Variants in P2RY8 observed in about 807,000 individuals in gnomAD.
The protein encoded by P2RY8 is P2Y receptor family member 8, also known as S-geranylgeranyl-glutathione receptor P2RY8.
A neutral mutation model predicts 10.0 loss-of-function variants in P2RY8; 6 were observed. That is an observed-to-expected ratio of 0.60 (90% CI 0.33 to 1.19). The LOEUF (loss-of-function observed/expected upper bound fraction) is 1.19. Among genes scored for constraint, P2RY8 ranks in the 50% most tolerant of loss-of-function variants. The pLI, the probability that P2RY8 is intolerant of heterozygous loss-of-function variation, is 0.04. For synonymous variants in P2RY8, 276 were observed against 252.5 expected, an observed-to-expected ratio of 1.09 and a Z score of -0.88; for missense variants, 456 against 542.0, an observed-to-expected ratio of 0.84 and a Z score of 1.58.
chrX:1,515,006 C>A (rs1173475414), intron 1 of P2RY8, among the ~76,000 whole-genome samples: 7 of 149,108 alleles, frequency 4.7e-5, no homozygotes, highest in Non-Finnish European at 1.0e-4. Flanking sequence ...CTGGTTCAAG[C>A]AATTCTCCTG....
At chrX:1,475,917 A>T (rs1158135507) in intron 1 of P2RY8, among the ~76,000 whole-genome samples, 1 of 152,226 alleles carries the variant, frequency 6.6e-6, no homozygotes, top group Admixed American at 6.5e-5. Context: ...ATGGCTGCAT[A>T]GGACCCTCTC....
At chrX:1,529,179 T>G (rs1313683061) in intron 1 of P2RY8, among the ~76,000 whole-genome samples, 24 of 151,792 alleles carry the variant, frequency 1.6e-4, no homozygotes, top group African/African-American at 4.8e-4. Flanking sequence ...ACAGGGAATA[T>G]CTGCTTAATC....
chrX:1,472,831 G>A (rs767648388), intron 1 of P2RY8, among the ~76,000 whole-genome samples: 1 of 147,270 alleles, frequency 6.8e-6, no homozygotes, highest in South Asian at 2.2e-4. Context: ...GTATAGATGA[G>A]TAGGTGGATG....
rs1325044895 is a variant in P2RY8, at chrX:1,500,154, G to A, written c.-24-33572C>T. Among the ~76,000 whole-genome samples, 5 of 151,866 alleles carry A rather than the reference G, an allele frequency of 3.3e-5. No individual in the cohort carries two copies. The East Asian group carries it at 5.8e-4, about 18-fold the overall frequency. On this transcript the variant is annotated intron_variant, in intron 1 of 1. Coordinates refer to ENST00000381297, the MANE Select transcript of P2RY8 (RefSeq NM_178129.5). ...ATGACAGGCGTGAGCCACCGCGCCC[G>A]GCCTGTTGTTGTTTTTTAATGTTTT... is the stretch of plus-strand genomic sequence containing the variant.
chrX:1,509,548 T>TCC (rs2092277249), intron 1 of P2RY8, among the ~76,000 whole-genome samples: 1 of 111,964 alleles, frequency 8.9e-6, no homozygotes, highest in African/African-American at 3.8e-5. Flanking sequence ...TCCATCCATC[T>TCC]ATTCTATCAT....
At position 1,514,900 on chromosome X, in the gene P2RY8, CTCCCCTCCCCTTCCCT is replaced by C. The variant is rs1452148420; in HGVS notation, c.-25+22005_-25+22020del. On this transcript the variant is annotated intron_variant, in intron 1 of 1. Transcript: ENST00000381297. ...TGTCTTCCTCTCCCCTCCCCTTCCC[CTCCCCTCCCCTTCCCT>C]TCCCTTTGACAGAGACTTGCTCTGC... 6.4e-3 allele frequency among the ~76,000 whole-genome samples: 470 copies of C among 73,390 alleles called. 6 individuals carry two copies. The highest frequency in any genetic ancestry group is 0.028 in the African/African-American group (447 of 16,182). The allele number at this position is 73,390 out of a possible 152,430, so 48.1% of individuals were successfully genotyped here.
At chrX:1,532,487 GTATA>G (rs1347874787) in intron 1 of P2RY8, among the ~76,000 whole-genome samples, 8 of 8,560 alleles carry the variant, frequency 9.3e-4, no homozygotes, top group Admixed American at 8.2e-3. Context: ...ATGTATATGT[GTATA>G]TATACACATA....
chrX:1,505,997 T>C (rs1188424553), intron 1 of P2RY8, among the ~76,000 whole-genome samples: 1 of 145,718 alleles, frequency 6.9e-6, no homozygotes, highest in Non-Finnish European at 1.5e-5. Context: ...CTTTTTTTTT[T>C]TTTTTTTTTT....
rs2092264060 is a variant in P2RY8, at chrX:1,509,012, A to G, written c.-25+27909T>C. Among the ~76,000 whole-genome samples, 6 of 150,386 alleles carry G rather than the reference A, an allele frequency of 4.0e-5. No homozygotes were observed. In the South Asian group the frequency reaches 1.3e-3, roughly 32 times the overall value. On this transcript the variant is annotated intron_variant, in intron 1 of 1. Transcript: ENST00000381297. ...CTATCCTGTATGTGTTCATCCATCC[A>G]TCCATCCATCCATCCATCCATCCAT...
chrX:1,513,296 G>A (rs1342089638), intron 1 of P2RY8, among the ~76,000 whole-genome samples: 5 of 151,620 alleles, frequency 3.3e-5, no homozygotes, highest in Non-Finnish European at 7.4e-5. Flanking sequence ...TTGGTCCCAA[G>A]TCTTTGCTAT....
At chrX:1,523,370 T>C (rs2092406927) in intron 1 of P2RY8, among the ~76,000 whole-genome samples, 1 of 152,154 alleles carries the variant, frequency 6.6e-6, no homozygotes. Context: ...AATCGTCTCC[T>C]TGGTCCCTAA....
intron 1 of P2RY8, among the ~76,000 whole-genome samples, chrX:1,478,235 G>T (rs2091897058): frequency 6.7e-6 from 1 of 148,596 alleles, no homozygotes; most frequent in South Asian, 2.2e-4. Flanking sequence ...ATGAAAAATG[G>T]TGCTGGCAGG....
chrX:1,495,580 A>G (rs2092108143), intron 1 of P2RY8, among the ~76,000 whole-genome samples: 1 of 144,914 alleles, frequency 6.9e-6, no homozygotes, highest in Non-Finnish European at 1.5e-5. Context: ...GGGAGAATCA[A>G]TGTTTGTTGT....
chrX:1,469,418 C>T (rs1379826237), intron 1 of P2RY8, among the ~76,000 whole-genome samples: 2 of 151,810 alleles, frequency 1.3e-5, no homozygotes, highest in African/African-American at 2.4e-5. Flanking sequence ...CCACCAGCCC[C>T]GGCCTCCTAA....
intron 1 of P2RY8, among the ~76,000 whole-genome samples, chrX:1,473,506 T>A (rs2091824446): frequency 8.3e-6 from 1 of 120,682 alleles, no homozygotes; most frequent in Non-Finnish European, 1.8e-5. Context: ...ACTGGGTGAA[T>A]GGATGGATGC....
chrX:1,526,596 A>T (rs1417881321), intron 1 of P2RY8, among the ~76,000 whole-genome samples: 1 of 151,394 alleles, frequency 6.6e-6, no homozygotes, highest in Non-Finnish European at 1.5e-5. Flanking sequence ...GCCTTTAATC[A>T]TTCACCCATT....
chrX:1,534,659 A>C (rs2092511412), intron 1 of P2RY8, among the ~76,000 whole-genome samples: 1 of 152,046 alleles, frequency 6.6e-6, no homozygotes, highest in African/African-American at 2.4e-5. Context: ...GGAGGTCCTG[A>C]TGGAGAGGCA....
intron 1 of P2RY8, among the ~76,000 whole-genome samples, chrX:1,500,944 A>C (rs1355741366): frequency 1.3e-5 from 2 of 152,026 alleles, no homozygotes; most frequent in Non-Finnish European, 2.9e-5. Context: ...ACCCATTACA[A>C]TCCCCTGGGT....
At chrX:1,466,622 C>T in intron 1 of P2RY8, 40 bp from the exon 2 acceptor site, 4 of 1,530,324 alleles carry the variant, frequency 2.6e-6, no homozygotes, top group Non-Finnish European at 2.6e-6. Flanking sequence ...GTCAGGGGCG[C>T]AGGTAAAGAG....
Sources: gnomAD v4.1 joint callset for allele counts (sites outside exome capture counted in the v4.1 genomes callset) on GRCh38, gnomAD v4.1.1 for gene constraint, MANE v1.5 for transcripts, NCBI Gene and HGNC (gene_info 2026-07-23, HGNC 2026-07-21) for gene names.